Variants in KCNQ4 observed in about 807,000 individuals in gnomAD.
KCNQ4 encodes the protein potassium voltage-gated channel subfamily KQT member 4.
Under a neutral mutation model 72.6 loss-of-function variants are expected in KCNQ4, and 31 were observed. That is an observed-to-expected ratio of 0.43 (90% CI 0.32 to 0.58). The LOEUF is 0.58. Among genes scored for constraint, KCNQ4 ranks in the 20% least tolerant of loss-of-function variants. KCNQ4 has a pLI of 0.08. For synonymous variants in KCNQ4, 405 were observed against 403.7 expected (o/e 1.00, Z -0.04); for missense variants, 869 against 962.6 (o/e 0.90, Z 1.29).
At chr1:40,824,876 C>G (rs1298870813) in intron 9 of KCNQ4, among the ~76,000 whole-genome samples, 1 of 152,224 alleles carries the variant, frequency 6.6e-6, no homozygotes, top group Non-Finnish European at 1.5e-5. Context: ...CCAGAGGGTC[C>G]TCTTGGGGTT....
chr1:40,817,744 TC>T lies in KCNQ4; in HGVS notation c.405+390del, dbSNP rs968242528. Among the ~76,000 whole-genome samples the T allele has an allele frequency of 5.3e-5, 8 of 152,216 alleles. No individual in the cohort carries two copies. Among genetic ancestry groups the T allele is most frequent in the African/African-American group, 1.9e-4 (8 of 41,450 alleles). On this transcript the variant is annotated intron_variant, in intron 2 of 13. Transcript: ENST00000347132. The surrounding 1 kb of genome is among the most constrained non-coding windows in gnomAD (Gnocchi z 5.5). ...AGAAGTGAGTAGGCTCCACCCCTTCTCAGGACAAAATCTGCAAACTCCACGT... is the reference window on the plus strand; with the variant it reads ...AGAAGTGAGTAGGCTCCACCCCTTCTAGGACAAAATCTGCAAACTCCACGT...
intron 1 of KCNQ4, among the ~76,000 whole-genome samples, chr1:40,802,090 T>C (rs1451311614): frequency 6.6e-6 from 1 of 152,158 alleles, no homozygotes; most frequent in Non-Finnish European, 1.5e-5. Context: ...ACCTATTGTG[T>C]AATTTATTCC....
In KCNQ4 at chr1:40,783,791, T is replaced by G. The variant is rs1343648719; in HGVS notation, c.-303T>G. On this transcript the variant is annotated 5_prime_UTR_variant, in exon 1 of 14. It removes an upstream start codon present in the reference 5' UTR. Transcript: ENST00000347132. The surrounding 1 kb of genome is among the most constrained non-coding windows in gnomAD (Gnocchi z 4.4). ...AGGGGCGGGGCGGGGGAGGGTGACA[T>G]GTGAGCGGCGCGCGCCGGTGGCAGG... The G allele has an allele frequency of 6.6e-6, 1 of 151,092 alleles. No individual in the cohort carries two copies. The highest frequency in any genetic ancestry group is 2.4e-5 in the African/African-American group (1 of 41,226). The allele number at this position is 151,092 out of a possible 1,614,324, so 9.4% of individuals were successfully genotyped here.
At chr1:40,797,468 G>C (rs139271090) in intron 1 of KCNQ4, among the ~76,000 whole-genome samples, 36 of 152,318 alleles carry the variant, frequency 2.4e-4, no homozygotes, top group African/African-American at 8.4e-4. Context: ...AGAGGTATCT[G>C]GAGAAGAGGC....
chr1:40,815,132 C>T (rs1000765527), intron 1 of KCNQ4, among the ~76,000 whole-genome samples: 3 of 150,996 alleles, frequency 2.0e-5, no homozygotes, highest in Non-Finnish European at 2.9e-5. Flanking sequence ...CCCAGCTACT[C>T]GGGAGGCTGA....
rs1287540818 is a variant in KCNQ4 at position 40,784,771 on chromosome 1, ACC to A, written c.314+367_314+368del. ...AGTGGGCGCCCTTTTCCTCTTCCCC[ACC>A]CCTGCCTCCCTGTGTCCCAGACACA... On this transcript the variant is annotated intron_variant, in intron 1 of 13. Coordinates refer to ENST00000347132, the MANE Select transcript of KCNQ4 (RefSeq NM_004700.4). This position sits in a 1 kb window ranked among gnomAD's most constrained non-coding sequence, Gnocchi z 4.1. Among the ~76,000 whole-genome samples the A allele has an allele frequency of 6.7e-6, 1 of 149,810 alleles. No homozygotes were observed. Among genetic ancestry groups the A allele is most frequent in the Non-Finnish European group, 1.5e-5 (1 of 67,430 alleles).
intron 9 of KCNQ4, chr1:40,826,760 G>A (rs912687961): frequency 2.3e-6 from 1 of 433,894 alleles, no homozygotes; most frequent in African/African-American, 2.0e-5. Context: ...GGGCTGGAGA[G>A]GGGACAGGAT....
chr1:40,818,828 A>T, intron 4 of KCNQ4, 148 bp downstream of exon 4: 7 of 827,058 alleles, frequency 8.5e-6, no homozygotes, highest in Admixed American at 2.4e-5. Flanking sequence ...GCAGGAGGCG[A>T]GGTCTAAGCG....
chr1:40,809,139 C>G (rs1232454645), intron 1 of KCNQ4, among the ~76,000 whole-genome samples: 1 of 152,226 alleles, frequency 6.6e-6, no homozygotes, highest in Non-Finnish European at 1.5e-5. Context: ...GAAACATGTT[C>G]TTCACGTGGC....
rs1278246476 is a variant in KCNQ4, at chr1:40,788,135, A to G, written c.314+3728A>G. Among the ~76,000 whole-genome samples, 1 of 152,156 alleles carries G rather than the reference A, an allele frequency of 6.6e-6. No homozygotes were observed. Among genetic ancestry groups the G allele is most frequent in the East Asian group, 1.9e-4 (1 of 5,194 alleles). On this transcript the variant is annotated intron_variant, in intron 1 of 13. Transcript: ENST00000347132. This position sits in a 1 kb window ranked among gnomAD's most constrained non-coding sequence, Gnocchi z 4.5. ...ACCTCCCACCCCGGCCATCTGAGAA[A>G]GAACATCGCCTGGGTTGGAAATCAT...
chr1:40,831,404 C>A, intron 10 of KCNQ4, 100 bp downstream of exon 10: 1 of 963,132 alleles, frequency 1.0e-6, no homozygotes. Context: ...CGCGTCTCAG[C>A]TCTGGAACTG....
chr1:40,836,797 C>T (rs769409239), intron 12 of KCNQ4, among the ~76,000 whole-genome samples: 3 of 152,068 alleles, frequency 2.0e-5, no homozygotes, highest in Non-Finnish European at 4.4e-5. Flanking sequence ...AGGAGTTGAT[C>T]AATGGATTTA....
rs932622243 is a variant in KCNQ4, at chr1:40,784,834, C to T, written c.314+427C>T. Among the ~76,000 whole-genome samples the T allele has an allele frequency of 6.6e-6, 1 of 152,216 alleles. No individual in the cohort carries two copies. The highest frequency in any genetic ancestry group is 2.4e-5 in the African/African-American group (1 of 41,458). On this transcript the variant is annotated intron_variant, in intron 1 of 13. Coordinates refer to ENST00000347132, the MANE Select transcript of KCNQ4 (RefSeq NM_004700.4). The surrounding 1 kb of genome is among the most constrained non-coding windows in gnomAD (Gnocchi z 4.1). The stretch of plus-strand genomic sequence containing the variant: ...CTTGGCTCCCACACGCTTCTGTCAC[C>T]TGCTCCCCAGCTCTGAGCTATGAAG...
In KCNQ4 at chr1:40,817,466, C is replaced by T. The variant is rs1337125332; in HGVS notation, c.405+111C>T. 24 of 726,048 alleles carry T rather than the reference C, an allele frequency of 3.3e-5. No individual in the cohort carries two copies. Among genetic ancestry groups the T allele is most frequent in the Non-Finnish European group, 5.0e-5 (22 of 441,094 alleles). The allele number at this position is 726,048 out of a possible 1,614,324, so 45.0% of individuals were successfully genotyped here. A position where few individuals can be genotyped will look rare whatever the true frequency, so the allele number is the denominator to read the frequency against. ...AGGTAGCACCTCTGGGCTGGGAGTC[C>T]GGGACTGAAGGGGGCTGTGTGAGGT... On this transcript the variant is annotated intron_variant, in intron 2 of 13. Coordinates refer to ENST00000347132, the MANE Select transcript of KCNQ4 (RefSeq NM_004700.4). The surrounding 1 kb of genome is among the most constrained non-coding windows in gnomAD (Gnocchi z 5.5).
chr1:40,784,167 C>G lies in KCNQ4; in HGVS notation c.74C>G (p.Ala25Gly). ...GACGCCCCCCGCGCGGAGCTAGTGG[C>G]GCTCACGGCCGTGCAGAGCGAACAG... The part of the protein sequence containing the change: ...PGDAPRAELV[A>G]LTAVQSEQGE... Residue 25 changes from alanine (A) to glycine (G), a missense_variant, in exon 1 of 14, where the codon GCG (alanine) becomes GGG (glycine). Around this residue, in one of 5 missense-constraint regions of KCNQ4, gnomAD observed 178 missense variants for 145.3 expected, o/e 1.22. Transcript: ENST00000347132. The surrounding 1 kb of genome is among the most constrained non-coding windows in gnomAD (Gnocchi z 4.1). The G allele has an allele frequency of 9.1e-7, 1 of 1,104,544 alleles. No homozygotes were observed. The highest frequency in any genetic ancestry group is 1.1e-6 in the Non-Finnish European group (1 of 899,464). The allele number at this position is 1,104,544 out of a possible 1,614,324, so 68.4% of individuals were successfully genotyped here.
At chr1:40,795,843 T>A (rs1022795069) in intron 1 of KCNQ4, among the ~76,000 whole-genome samples, 79 of 152,316 alleles carry the variant, frequency 5.2e-4, no homozygotes, top group Admixed American at 4.1e-3. Context: ...AGGCTAGAGT[T>A]CTAAGCACAG....
intron 1 of KCNQ4, among the ~76,000 whole-genome samples, chr1:40,793,012 T>C (rs987446183): frequency 3.4e-5 from 5 of 145,302 alleles, no homozygotes; most frequent in Non-Finnish European, 7.6e-5. Flanking sequence ...TTCTTTTTTT[T>C]TTTTTTTTTT....
At chr1:40,787,703 C>T (rs555332460) in intron 1 of KCNQ4, among the ~76,000 whole-genome samples, 31 of 132,556 alleles carry the variant, frequency 2.3e-4, no homozygotes, top group African/African-American at 8.8e-4. Flanking sequence ...GCATCCCCCT[C>T]CTATGCCCCA....
intron 13 of KCNQ4, among the ~76,000 whole-genome samples, 165 bp downstream of exon 13, chr1:40,837,959 A>G (rs1570857340): frequency 1.6e-5 from 2 of 122,462 alleles, no homozygotes. Flanking sequence ...AGACATTCCC[A>G]TAAACCCGCC....
Sources: allele counts gnomAD v4.1 joint callset (sites outside exome capture counted in the v4.1 genomes callset), GRCh38; gene constraint gnomAD v4.1.1; regional missense constraint gnomAD v4.1.1; non-coding constraint Gnocchi (gnomAD v3.1); transcripts MANE v1.5; gene names NCBI Gene and HGNC (gene_info 2026-07-23, HGNC 2026-07-21).